Variants in DAB1 observed in about 807,000 individuals in gnomAD.
DAB1 encodes DAB adaptor protein 1, also known as disabled homolog 1.
A neutral mutation model predicts 64.6 loss-of-function variants in DAB1; 15 were observed. That is an observed-to-expected ratio of 0.23 (90% confidence interval 0.16 to 0.36). DAB1 has a LOEUF of 0.36. Among genes scored for constraint, DAB1 ranks in the 10% least tolerant of loss-of-function variants. The pLI is 1.00. For synonymous variants in DAB1, 235 were observed against 251.9 expected (o/e 0.93, Z 0.64); for missense variants, 596 against 706.7 (o/e 0.84, Z 1.78).
chr1:57,333,885 A>T lies in DAB1; in HGVS notation c.-136-42719T>A, dbSNP rs562710854. 2.6e-5 allele frequency among the ~76,000 whole-genome samples: 4 copies of T among 152,326 alleles called. No homozygotes were observed. The East Asian group carries it at 7.7e-4, about 29-fold the overall frequency. ...TAAGTGAACGTCTACTCCAAATCAA[A>T]CTAGAATCCATCACTGTCATCATCA... is the stretch of plus-strand genomic sequence containing the variant. On this transcript the variant is annotated intron_variant, in intron 1 of 14. Transcript: ENST00000371236.
chr1:57,551,763 A>G (rs1385152506), intron 7 of DAB1, among the ~76,000 whole-genome samples: 4 of 152,274 alleles, frequency 2.6e-5, no homozygotes, highest in Middle Eastern at 3.4e-3. Flanking sequence ...ATCCCTTAAG[A>G]GCTGGGAAGA....
chr1:57,972,928 A>G (rs1645834008), intron 5 of DAB1, among the ~76,000 whole-genome samples: 1 of 152,180 alleles, frequency 6.6e-6, no homozygotes, highest in Non-Finnish European at 1.5e-5. Flanking sequence ...ACACAAACTA[A>G]GCTATATTCT....
chr1:57,536,230 T>C (rs891307858), intron 7 of DAB1, among the ~76,000 whole-genome samples: 7 of 152,218 alleles, frequency 4.6e-5, no homozygotes, highest in African/African-American at 1.4e-4. Context: ...CTTGGAACAG[T>C]TGGTCTCTGA....
chr1:57,893,542 A>C (rs1441409804), intron 5 of DAB1, among the ~76,000 whole-genome samples: 1 of 152,192 alleles, frequency 6.6e-6, no homozygotes, highest in Admixed American at 6.5e-5. Context: ...CATACAGTCT[A>C]TCAAGAAAGG....
In DAB1 at chr1:57,508,793, T is replaced by C. The variant is rs552247003; in HGVS notation, n.625+140799A>G. ...CTGCCAGATTCTAAATTCCTTGAGA[T>C]AGGGAGAGAATCTTATTAGAGTACA... On this transcript the variant is annotated intron_variant and non_coding_transcript_variant, in intron 7 of 20. Transcript: ENST00000485760. Among the ~76,000 whole-genome samples the C allele has an allele frequency of 6.6e-5, 10 of 152,278 alleles. 1 individual carries two copies. In the South Asian group the frequency reaches 2.1e-3, roughly 32 times the overall value.
chr1:57,495,937 G>A (rs908612458), intron 7 of DAB1, among the ~76,000 whole-genome samples: 1 of 152,062 alleles, frequency 6.6e-6, no homozygotes, highest in African/African-American at 2.4e-5. Context: ...GAAGTCAAAG[G>A]CATCTTCTTC....
intron 4 of DAB1, among the ~76,000 whole-genome samples, chr1:58,225,695 A>C (rs1364597324): frequency 1.3e-5 from 2 of 151,724 alleles, no homozygotes; most frequent in Admixed American, 1.3e-4. Context: ...CATCATTCTC[A>C]GCAAACTATC....
At chr1:57,188,105 A>G (rs1163030598) in intron 2 of DAB1, among the ~76,000 whole-genome samples, 1 of 152,184 alleles carries the variant, frequency 6.6e-6, no homozygotes, top group African/African-American at 2.4e-5. Flanking sequence ...AGGCATAGCA[A>G]AGAATAAAGT....
chr1:57,566,241 C>A (rs1172547127), intron 7 of DAB1, among the ~76,000 whole-genome samples: 1 of 152,142 alleles, frequency 6.6e-6, no homozygotes, highest in Non-Finnish European at 1.5e-5. Context: ...AACAAAGACA[C>A]AACATAGCAG....
rs139082609 is a variant in DAB1, at chr1:57,714,776, G to A, written n.552-65111C>T. On this transcript the variant is annotated intron_variant and non_coding_transcript_variant, in intron 6 of 20. Coordinates refer to the DAB1 transcript ENST00000485760. ...CAGTTTAAGGGAGGGCCCTTGTAGGGTGTAAGCAAGACAGAGACAGATTAA... is the reference window on the plus strand; with the variant it reads ...CAGTTTAAGGGAGGGCCCTTGTAGGATGTAAGCAAGACAGAGACAGATTAA... 1.6e-4 allele frequency among the ~76,000 whole-genome samples: 25 copies of A among 152,278 alleles called. No homozygotes were observed. In the East Asian group the frequency reaches 4.8e-3, roughly 29 times the overall value.
chr1:57,647,641 T>C (rs981461188), intron 7 of DAB1, among the ~76,000 whole-genome samples: 1 of 152,212 alleles, frequency 6.6e-6, no homozygotes, highest in Non-Finnish European at 1.5e-5. Flanking sequence ...TGTTTAAGGA[T>C]GAATACTTTT....
At chr1:58,198,736 T>C (rs900652774) in intron 4 of DAB1, among the ~76,000 whole-genome samples, 16 of 152,200 alleles carry the variant, frequency 1.1e-4, no homozygotes, top group Admixed American at 3.9e-4. Context: ...ACTCAATCCA[T>C]TGAGAGGCAG....
At position 58,340,877 on chromosome 1, in the gene DAB1, CTTG is replaced by C. The variant is rs554746861; in HGVS notation, n.309+2472_309+2474del. ...GCATTGTCTTCCATAAGCAGAAAAACTTGGTACATAGGAGGTGCTAGAAAAGGA... is the reference window on the plus strand; with the variant it reads ...GCATTGTCTTCCATAAGCAGAAAAACGTACATAGGAGGTGCTAGAAAAGGA... On this transcript the variant is annotated intron_variant and non_coding_transcript_variant, in intron 4 of 20. Transcript: ENST00000485760. Among the ~76,000 whole-genome samples, 195 of 152,250 alleles carry C rather than the reference CTTG, an allele frequency of 1.3e-3. 2 individuals are homozygous for C. In the East Asian group the frequency reaches 0.033, roughly 26 times the overall value.
intron 3 of DAB1, among the ~76,000 whole-genome samples, chr1:58,343,961 G>A (rs1408734592): frequency 2.0e-5 from 3 of 152,154 alleles, no homozygotes; most frequent in African/African-American, 7.2e-5. Context: ...CAGACCTTCA[G>A]TACTTGTCAC....
At chr1:57,058,180 CT>C (rs148383929) in intron 9 of DAB1, among the ~76,000 whole-genome samples, 2,835 of 152,178 alleles carry the variant, frequency 0.019, 93 homozygotes, top group African/African-American at 0.065. Flanking sequence ...AGAAGGCCAC[CT>C]GTCCGCCTGG....
chr1:58,193,411 A>T (rs975456976), intron 4 of DAB1, among the ~76,000 whole-genome samples: 1 of 152,198 alleles, frequency 6.6e-6, no homozygotes, highest in African/African-American at 2.4e-5. Flanking sequence ...TTTCTTTATA[A>T]ATTACCTAGC....
In DAB1 at chr1:57,305,487, C is replaced by T. The variant is rs1674058515; in HGVS notation, c.-136-14321G>A. Reference sequence around the variant, plus strand: ...GATGCAGTCCACACAGGTCAGCTTCCCAGAGCAGGAGAATAGGGCAGAGAG... The same window carrying T: ...GATGCAGTCCACACAGGTCAGCTTCTCAGAGCAGGAGAATAGGGCAGAGAG... On this transcript the variant is annotated intron_variant, in intron 1 of 14. Coordinates refer to ENST00000371236, the MANE Select transcript of DAB1 (RefSeq NM_001365792.1). Among the ~76,000 whole-genome samples the T allele has an allele frequency of 2.6e-5, 4 of 152,132 alleles. No individual in the cohort carries two copies. In the South Asian group the frequency reaches 6.2e-4, roughly 24 times the overall value.
intron 5 of DAB1, among the ~76,000 whole-genome samples, chr1:58,064,379 C>T (rs1434680166): frequency 1.3e-5 from 2 of 152,178 alleles, no homozygotes; most frequent in South Asian, 2.1e-4. Context: ...ATGGAGACCA[C>T]GTTTTAGCAT....
intron 7 of DAB1, among the ~76,000 whole-genome samples, chr1:57,530,891 C>T (rs1644655068): frequency 6.6e-6 from 1 of 152,144 alleles, no homozygotes; most frequent in Admixed American, 6.5e-5. Flanking sequence ...AAGACAGGGA[C>T]CTGGGGCCCA....
Sources: gnomAD v4.1 joint callset for allele counts (sites outside exome capture counted in the v4.1 genomes callset) on GRCh38, gnomAD v4.1.1 for gene constraint, MANE v1.5 for transcripts, NCBI Gene and HGNC (gene_info 2026-07-23, HGNC 2026-07-21) for gene names.